NCAM1: variants seen among roughly 807,000 people sequenced by gnomAD.
The protein encoded by NCAM1 is neural cell adhesion molecule 1, also known as antigen recognized by monoclonal antibody 5.1H11.
A neutral mutation model predicts 109.8 loss-of-function variants in NCAM1; 14 were observed. The ratio of observed to expected loss-of-function variants is 0.13; its 90% confidence interval spans 0.08 to 0.20. The LOEUF (loss-of-function observed/expected upper bound fraction) is 0.20, where lower values mean the gene tolerates loss of function less well. Among genes scored for constraint, NCAM1 ranks in the 10% least tolerant of loss-of-function variants. The pLI is 1.00. For missense variants in NCAM1, 774 were observed against 1,109.9 expected (o/e 0.70, Z 4.30); for synonymous variants, 418 against 442.9 (o/e 0.94, Z 0.70).
intron 14 of NCAM1, chr11:113,243,051 G>A (rs1484700001): frequency 1.1e-6 from 1 of 892,116 alleles, no homozygotes; most frequent in Non-Finnish European, 1.3e-6. Context: ...AAAGAACGGG[G>A]TTGATTATTG....
chr11:113,214,267 A>T, intron 7 of NCAM1, 102 bp from the exon 8 acceptor site: 1 of 1,265,482 alleles, frequency 7.9e-7, no homozygotes, highest in South Asian at 1.4e-5. Context: ...AGGGTCTTGT[A>T]CTTAGCAGAC....
At chr11:113,011,721 CTG>C (rs2135125949) in intron 1 of NCAM1, among the ~76,000 whole-genome samples, 1 of 152,246 alleles carries the variant, frequency 6.6e-6, no homozygotes, top group South Asian at 2.1e-4. Flanking sequence ...AAGGAAATGA[CTG>C]TGTTTGGAGG....
chr11:113,039,939 G>A (rs1035801044), intron 1 of NCAM1, among the ~76,000 whole-genome samples: 2 of 152,086 alleles, frequency 1.3e-5, no homozygotes, highest in Non-Finnish European at 2.9e-5. Context: ...TCAGGAGTTC[G>A]AGACCAGCCT....
At chr11:113,159,978 A>G (rs1218883465) in intron 1 of NCAM1, among the ~76,000 whole-genome samples, 4 of 151,414 alleles carry the variant, frequency 2.6e-5, no homozygotes, top group Admixed American at 2.6e-4. Flanking sequence ...GTTCATTACT[A>G]TATGTATTCA....
intron 1 of NCAM1, among the ~76,000 whole-genome samples, chr11:113,140,592 A>C (rs1555100222): frequency 6.6e-6 from 1 of 152,154 alleles, no homozygotes; most frequent in Non-Finnish European, 1.5e-5. Flanking sequence ...CTGTACTTGT[A>C]TATTGGATTT....
At position 112,961,669 on chromosome 11, in the gene NCAM1, A is replaced by ATTTT; in HGVS notation, c.52+16_52+19dup. ...TGTTTTTCCTGGGAACTGCAGGTAC[A>ATTTT]TTTTTTTTTTTTTTAATTCTCAATC... On this transcript the variant is annotated splice_donor_region_variant and intron_variant, in intron 1 of 19. Coordinates refer to ENST00000316851, the MANE Select transcript of NCAM1 (RefSeq NM_181351.5). 8 of 1,210,764 alleles carry ATTTT rather than the reference A, an allele frequency of 6.6e-6. No individual in the cohort carries two copies. Among genetic ancestry groups the ATTTT allele is most frequent in the Middle Eastern group, 2.1e-4 (1 of 4,856 alleles). 75.0% of individuals were successfully genotyped at this position (1,210,764 alleles called of 1,614,324 possible).
chr11:113,210,644 G>A (rs1448137094), intron 7 of NCAM1, among the ~76,000 whole-genome samples: 2 of 151,990 alleles, frequency 1.3e-5, no homozygotes, highest in Non-Finnish European at 2.9e-5. Flanking sequence ...GTGAGTGCAG[G>A]GCCATGTGGG....
rs1555113143 is a variant in NCAM1 at position 113,207,905 on chromosome 11, C to T, written c.819C>T (p.Thr273=). ...TCAGCGACGATAGTTCCCAGCTGAC[C>T]ATCAAAAAGGTGGATAAGAACGACG... The part of the protein sequence containing the change: ...YIFSDDSSQL[T]IKKVDKNDEA... The change falls in exon 7 of 20, where the codon ACC becomes ACT. Residue 273 remains threonine (T), a synonymous_variant. Transcript: ENST00000316851. The T allele has an allele frequency of 1.9e-6, 3 of 1,612,450 alleles. No homozygotes were observed. The highest frequency in any genetic ancestry group is 2.2e-5 in the East Asian group (1 of 44,842).
chr11:113,175,274 C>A (rs1373054785), intron 1 of NCAM1, among the ~76,000 whole-genome samples: 9 of 152,188 alleles, frequency 5.9e-5, no homozygotes, highest in African/African-American at 2.2e-4. Context: ...ACCACAATAA[C>A]CCTTGGCCCA....
At chr11:113,145,546 C>T (rs1941986053) in intron 1 of NCAM1, among the ~76,000 whole-genome samples, 1 of 152,190 alleles carries the variant, frequency 6.6e-6, no homozygotes, top group Non-Finnish European at 1.5e-5. Flanking sequence ...GGGCAAGTGA[C>T]ACTATTATCC....
At chr11:113,053,742 G>C (rs930136695) in intron 1 of NCAM1, among the ~76,000 whole-genome samples, 3 of 152,132 alleles carry the variant, frequency 2.0e-5, no homozygotes, top group African/African-American at 7.2e-5. Context: ...TTAAGTGAGG[G>C]TCACACTGAC....
chr11:113,189,094 G>A (rs1368104695), intron 1 of NCAM1, among the ~76,000 whole-genome samples: 1 of 152,158 alleles, frequency 6.6e-6, no homozygotes, highest in Non-Finnish European at 1.5e-5. Flanking sequence ...GAATAAGGAA[G>A]CTTAGTTACT....
At chr11:113,131,905 G>C (rs1368068178) in intron 1 of NCAM1, among the ~76,000 whole-genome samples, 1 of 152,218 alleles carries the variant, frequency 6.6e-6, no homozygotes, top group Admixed American at 6.5e-5. Flanking sequence ...TTGGTAAAGG[G>C]AAGTAGGTTT....
intron 8 of NCAM1, among the ~76,000 whole-genome samples, chr11:113,220,536 A>G (rs1188114973): frequency 6.7e-6 from 1 of 149,958 alleles, no homozygotes; most frequent in Non-Finnish European, 1.5e-5. Context: ...AAATGGCATT[A>G]GTATATCTAT....
At chr11:113,159,968 G>A (rs1429064156) in intron 1 of NCAM1, among the ~76,000 whole-genome samples, 1 of 150,552 alleles carries the variant, frequency 6.6e-6, no homozygotes, top group Non-Finnish European at 1.5e-5. Flanking sequence ...ATTACTCAGT[G>A]TTCATTACTA....
intron 1 of NCAM1, among the ~76,000 whole-genome samples, chr11:113,104,479 C>A (rs1382594720): frequency 6.6e-6 from 1 of 151,692 alleles, no homozygotes; most frequent in African/African-American, 2.4e-5. Flanking sequence ...TTTGTTATTG[C>A]TTTTGTATTC....
intron 1 of NCAM1, among the ~76,000 whole-genome samples, chr11:113,084,318 C>T (rs569019846): frequency 2.4e-4 from 36 of 152,164 alleles, no homozygotes; most frequent in Non-Finnish European, 4.1e-4. Context: ...CTAACATTGT[C>T]AAACTGGAAG....
chr11:113,227,885 C>A (rs182827390), intron 9 of NCAM1, among the ~76,000 whole-genome samples: 3 of 152,078 alleles, frequency 2.0e-5, no homozygotes, highest in Non-Finnish European at 4.4e-5. Context: ...ATCCAACAAC[C>A]CTTCATGCTA....
At chr11:113,000,847 TACACAAAAA>T (rs1209654526) in intron 1 of NCAM1, among the ~76,000 whole-genome samples, 20 of 113,468 alleles carry the variant, frequency 1.8e-4, no homozygotes, top group African/African-American at 4.6e-4. Flanking sequence ...TATATATATA[TACACAAAAA>T]ATATATATAT....
Sources: gnomAD v4.1 joint callset for allele counts (sites outside exome capture counted in the v4.1 genomes callset) on GRCh38, gnomAD v4.1.1 for gene constraint, MANE v1.5 for transcripts, NCBI Gene and HGNC (gene_info 2026-07-23, HGNC 2026-07-21) for gene names.